Variants in MED30 observed in about 807,000 individuals in gnomAD.
MED30 encodes mediator of RNA polymerase II transcription subunit 30.
MED30 carries 8 observed loss-of-function variants against 21.7 expected under a neutral mutation model. That is an observed-to-expected ratio of 0.37 (90% CI 0.22 to 0.67). The LOEUF (loss-of-function observed/expected upper bound fraction) is 0.67. Among genes scored for constraint, MED30 ranks in the 30% least tolerant of loss-of-function variants. MED30 has a pLI of 0.58. For synonymous variants in MED30, 79 were observed against 86.7 expected (o/e 0.91, Z 0.49); for missense variants, 203 against 228.2 (o/e 0.89, Z 0.71).
intron 1 of MED30, chr8:117,523,701 A>T: frequency 6.4e-7 from 1 of 1,559,264 alleles, no homozygotes; most frequent in Non-Finnish European, 8.8e-7. Context: ...GGCCACCATG[A>T]TTCCCTCCTT....
chr8:117,534,559 GGT>G, intron 3 of MED30, among the ~76,000 whole-genome samples: 1 of 152,236 alleles, frequency 6.6e-6, no homozygotes, highest in South Asian at 2.1e-4. Flanking sequence ...AATCAGTTTA[GGT>G]GTTTTAAATG....
At chr8:117,528,336 T>G (rs1462279852) in intron 1 of MED30, among the ~76,000 whole-genome samples, 1 of 151,906 alleles carries the variant, frequency 6.6e-6, no homozygotes, top group Admixed American at 6.6e-5. Context: ...ATTTATATAA[T>G]AGTAATATTA....
rs371719563 is a variant in MED30, at chr8:117,521,006, A to G, written c.130A>G (p.Ile44Val). ...CATCGGGCAGGAGACAGTGCAGGAC[A>G]TCGTGTACCGCACCATGGAGATCTT... The part of the protein sequence containing the change: ...CRIGQETVQD[I>V]VYRTMEIFQL... The change falls in exon 1 of 4, where the codon ATC (isoleucine) becomes GTC (valine). Residue 44 changes from isoleucine (I) to valine (V), a missense_variant. Ile to Val is a conservative substitution (Grantham distance 29, BLOSUM62 3). Coordinates refer to ENST00000297347, the MANE Select transcript of MED30 (RefSeq NM_080651.4). 9.3e-6 allele frequency: 15 copies of G among 1,607,582 alleles called. No homozygotes were observed. Among genetic ancestry groups the G allele is most frequent in the Admixed American group, 8.4e-5 (5 of 59,500 alleles).
At position 117,534,174 on chromosome 8, in the gene MED30, C is replaced by A. The variant is rs148042560; in HGVS notation, c.441+3347C>A. On this transcript the variant is annotated intron_variant, in intron 3 of 3. Transcript: ENST00000297347. ...CTGTGGTTCTCCATGGTGGATCAGG[C>A]GTATTCTCGGTGGCATCCCTCTTGC... Among the ~76,000 whole-genome samples the A allele has an allele frequency of 1.7e-4, 26 of 152,052 alleles. No homozygotes were observed. In the East Asian group the frequency reaches 4.6e-3, roughly 27 times the overall value.
At chr8:117,531,292 A>G (rs1203787687) in intron 3 of MED30, among the ~76,000 whole-genome samples, 1 of 152,076 alleles carries the variant, frequency 6.6e-6, no homozygotes, top group Non-Finnish European at 1.5e-5. Flanking sequence ...TCAAAAGTTC[A>G]GAAGATAATG....
intron 3 of MED30, among the ~76,000 whole-genome samples, chr8:117,531,570 A>G (rs1818792408): frequency 6.6e-6 from 1 of 152,054 alleles, no homozygotes; most frequent in Non-Finnish European, 1.5e-5. Flanking sequence ...GTTTGTATGT[A>G]TAATACATGA....
At chr8:117,523,684 C>A in intron 1 of MED30, 2 of 1,579,904 alleles carry the variant, frequency 1.3e-6, no homozygotes, top group South Asian at 1.1e-5. Flanking sequence ...CATGTGGAAT[C>A]CTCCTTGGCC....
intron 3 of MED30, among the ~76,000 whole-genome samples, chr8:117,539,208 A>G (rs1056706645): frequency 6.6e-6 from 1 of 152,164 alleles, no homozygotes; most frequent in African/African-American, 2.4e-5. Context: ...ATAGTGAAGG[A>G]TCTGGCCGGG....
chr8:117,538,452 C>G (rs1056400746), intron 3 of MED30, among the ~76,000 whole-genome samples: 1 of 150,682 alleles, frequency 6.6e-6, no homozygotes, highest in Non-Finnish European at 1.5e-5. Flanking sequence ...TTCCCTAACT[C>G]TGAATAGAAG....
At chr8:117,535,243 T>C (rs910370317) in intron 3 of MED30, among the ~76,000 whole-genome samples, 1 of 147,744 alleles carries the variant, frequency 6.8e-6, no homozygotes, top group African/African-American at 2.5e-5. Context: ...TTGATACTTT[T>C]TTTTTTTTTT....
At chr8:117,532,083 CTT>C (rs1301439376) in intron 3 of MED30, among the ~76,000 whole-genome samples, 3 of 151,914 alleles carry the variant, frequency 2.0e-5, no homozygotes, top group African/African-American at 4.8e-5. Flanking sequence ...TATGAATAAA[CTT>C]ATTAAGATAC....
chr8:117,524,512 G>C (rs1227070496), intron 1 of MED30, among the ~76,000 whole-genome samples: 2 of 152,216 alleles, frequency 1.3e-5, no homozygotes, highest in African/African-American at 4.8e-5. Context: ...GTTAAAGGAA[G>C]ATTTAGGGAT....
intron 1 of MED30, among the ~76,000 whole-genome samples, chr8:117,526,189 C>T (rs1427737164): frequency 6.6e-6 from 1 of 151,866 alleles, no homozygotes; most frequent in Non-Finnish European, 1.5e-5. Context: ...CTCTTTGGAC[C>T]TACTTCCTTA....
In MED30 at chr8:117,521,006, A is replaced by C; in HGVS notation, c.130A>C (p.Ile44Leu). Residue 44 changes from isoleucine to leucine, a missense_variant, in exon 1 of 4, where the codon ATC becomes CTC. Transcript: ENST00000297347. The part of the protein sequence containing the change: ...CRIGQETVQD[I>L]VYRTMEIFQL... The stretch of plus-strand genomic sequence containing the variant: ...CATCGGGCAGGAGACAGTGCAGGAC[A>C]TCGTGTACCGCACCATGGAGATCTT... 1.2e-6 allele frequency: 2 copies of C among 1,607,582 alleles called. No individual in the cohort carries two copies. Among genetic ancestry groups the C allele is most frequent in the Non-Finnish European group, 1.7e-6 (2 of 1,176,234 alleles).
intron 2 of MED30, 70 bp from the exon 3 acceptor site, chr8:117,530,653 A>G: frequency 9.4e-7 from 1 of 1,060,288 alleles, no homozygotes; most frequent in Admixed American, 2.4e-5. Flanking sequence ...AATCTGATAT[A>G]TTCTCTATAC....
intron 1 of MED30, among the ~76,000 whole-genome samples, chr8:117,527,653 T>G (rs1445717657): frequency 4.2e-5 from 6 of 141,876 alleles, no homozygotes; most frequent in African/African-American, 1.6e-4. Context: ...TTTTTTTTTT[T>G]TGGCATTCCT....
intron 3 of MED30, among the ~76,000 whole-genome samples, chr8:117,535,051 T>C (rs554816070): frequency 6.6e-6 from 1 of 152,042 alleles, no homozygotes; most frequent in South Asian, 2.1e-4. Flanking sequence ...ACTTTCTCCA[T>C]ATGAGGATTT....
intron 3 of MED30, among the ~76,000 whole-genome samples, chr8:117,532,886 A>C (rs1818810388): frequency 6.6e-6 from 1 of 152,094 alleles, no homozygotes; most frequent in Admixed American, 6.5e-5. Flanking sequence ...TTGGTAGTCT[A>C]GATGTATGAG....
intron 3 of MED30, 139 bp from the exon 4 acceptor site, chr8:117,539,744 T>A: frequency 1.7e-6 from 1 of 578,816 alleles, no homozygotes; most frequent in East Asian, 3.4e-5. Flanking sequence ...AGAAGAGGGT[T>A]GAGACCATCT....
Sources: gnomAD v4.1 joint callset for allele counts (sites outside exome capture counted in the v4.1 genomes callset) on GRCh38, gnomAD v4.1.1 for gene constraint, MANE v1.5 for transcripts, NCBI Gene and HGNC (gene_info 2026-07-23, HGNC 2026-07-21) for gene names.